Variants in ZNF536 observed in about 807,000 individuals in gnomAD.
ZNF536 encodes zinc finger protein 536.
Under a neutral mutation model 84.5 loss-of-function variants are expected in ZNF536, and 13 were observed. That is an observed-to-expected ratio of 0.15 (90% CI 0.10 to 0.24). ZNF536 has a LOEUF of 0.24. Ranked by LOEUF, ZNF536 falls within the 10% of genes least tolerant of loss-of-function variation. The probability of loss-of-function intolerance (pLI) is 1.00; values close to 1 mark genes in which losing one functional copy is unlikely to be tolerated. For synonymous variants in ZNF536, 811 were observed against 742.5 expected, an observed-to-expected ratio of 1.09 and a Z score of -1.50; for missense variants, 1,536 against 1,747.5, an observed-to-expected ratio of 0.88 and a Z score of 2.16.
intron 1 of ZNF536, among the ~76,000 whole-genome samples, chr19:30,404,691 T>C (rs1285792018): frequency 6.6e-6 from 1 of 151,988 alleles, no homozygotes; most frequent in Non-Finnish European, 1.5e-5. Flanking sequence ...ACAACCACAG[T>C]CATCAACACA....
chr19:30,631,620 T>C (rs1320311917), intron 1 of ZNF536, among the ~76,000 whole-genome samples: 1 of 152,140 alleles, frequency 6.6e-6, no homozygotes, highest in African/African-American at 2.4e-5. Flanking sequence ...TTACTCCCAG[T>C]GCTACTGCTG....
chr19:30,555,816 TGAA>T (rs1241789789), intron 4 of ZNF536: 2 of 152,192 alleles, frequency 1.3e-5, no homozygotes, highest in African/African-American at 4.8e-5. Flanking sequence ...CAGGTTCTAA[TGAA>T]GAAGGGAGGT....
chr19:30,558,396 G>A (rs2046042993), downstream of ZNF536, among the ~76,000 whole-genome samples: 1 of 152,204 alleles, frequency 6.6e-6, no homozygotes. Context: ...TGGCTGGGGT[G>A]GTGGGGGTGG....
At chr19:30,374,091 T>A (rs1234498280) in intron 1 of ZNF536, among the ~76,000 whole-genome samples, 2 of 152,338 alleles carry the variant, frequency 1.3e-5, no homozygotes, top group Admixed American at 1.3e-4. Flanking sequence ...ATGGGCATTA[T>A]TTCGCCTGAG....
At chr19:30,362,065 G>T (rs889185556) in intron 3 of ZNF536, among the ~76,000 whole-genome samples, 1 of 152,214 alleles carries the variant, frequency 6.6e-6, no homozygotes, top group African/African-American at 2.4e-5. Flanking sequence ...GTTTCGCACA[G>T]TGGGGCACGG....
intron 1 of ZNF536, among the ~76,000 whole-genome samples, chr19:30,590,496 A>G (rs998604460): frequency 1.3e-5 from 2 of 152,180 alleles, no homozygotes; most frequent in African/African-American, 4.8e-5. Context: ...TGTTTGGGGA[A>G]AGCAAGAGCT....
chr19:30,526,852 C>A (rs1161986928), intron 2 of ZNF536, among the ~76,000 whole-genome samples: 1 of 151,960 alleles, frequency 6.6e-6, no homozygotes, highest in African/African-American at 2.4e-5. Context: ...GTTTCTGATT[C>A]ATTTTCACTT....
intron 1 of ZNF536, among the ~76,000 whole-genome samples, chr19:30,374,019 A>C (rs2048712447): frequency 1.3e-5 from 2 of 152,188 alleles, no homozygotes; most frequent in South Asian, 2.1e-4. Flanking sequence ...GATAGAAACG[A>C]TAGAGCGTAT....
At chr19:30,284,977 T>C (rs1182314292) in intron 2 of ZNF536, among the ~76,000 whole-genome samples, 1 of 152,236 alleles carries the variant, frequency 6.6e-6, no homozygotes, top group East Asian at 1.9e-4. Flanking sequence ...ACAACAGTTA[T>C]ATTAGAAATT....
At chr19:30,345,402 G>A (rs2047709220) in intron 2 of ZNF536, among the ~76,000 whole-genome samples, 1 of 152,192 alleles carries the variant, frequency 6.6e-6, no homozygotes, top group African/African-American at 2.4e-5. Flanking sequence ...TTTATTTATG[G>A]CACTGGGATA....
intron 1 of ZNF536, among the ~76,000 whole-genome samples, chr19:30,237,481 G>A (rs927219459): frequency 1.3e-5 from 2 of 152,278 alleles, no homozygotes; most frequent in East Asian, 1.9e-4. Flanking sequence ...GAGCTTAAAC[G>A]TGAAGGTATT....
chr19:30,617,333 CT>C (rs556835599), intron 1 of ZNF536, among the ~76,000 whole-genome samples: 66 of 37,654 alleles, frequency 1.8e-3, no homozygotes, highest in South Asian at 2.2e-3. Context: ...GAATAGCTTA[CT>C]TTTTTTTTTT....
At position 30,574,905 on chromosome 19, in the gene ZNF536, G is replaced by A. The variant is rs562613596; in HGVS notation, c.169+25391G>A. Among the ~76,000 whole-genome samples, 8 of 152,190 alleles carry A rather than the reference G, an allele frequency of 5.3e-5. No homozygotes were observed. In the East Asian group the frequency reaches 1.2e-3, roughly 22 times the overall value. On this transcript the variant is annotated intron_variant, in intron 1 of 1. Coordinates refer to the ZNF536 transcript ENST00000592773. ...TAAAGGTGAGAGGCTAAGGTCTAGCGTGGCTTGAATTTAGTCTAGTGCAGC... is the reference window on the plus strand; with the variant it reads ...TAAAGGTGAGAGGCTAAGGTCTAGCATGGCTTGAATTTAGTCTAGTGCAGC...
intron 2 of ZNF536, among the ~76,000 whole-genome samples, chr19:30,470,003 C>T (rs1033139004): frequency 6.6e-6 from 1 of 152,148 alleles, no homozygotes; most frequent in African/African-American, 2.4e-5. Context: ...GAGATGTAAC[C>T]AAAAAACAAA....
chr19:30,489,307 G>A (rs1850772297), intron 2 of ZNF536, among the ~76,000 whole-genome samples: 1 of 152,200 alleles, frequency 6.6e-6, no homozygotes, highest in African/African-American at 2.4e-5. Context: ...AAGCTGAGGT[G>A]TGGTGCTCAG....
At chr19:30,259,471 C>T (rs2025083000) in intron 1 of ZNF536, among the ~76,000 whole-genome samples, 1 of 152,190 alleles carries the variant, frequency 6.6e-6, no homozygotes, top group African/African-American at 2.4e-5. Flanking sequence ...CACCCCAGAC[C>T]CATCTAATCG....
At chr19:30,237,237 A>G (rs1433682877) in intron 1 of ZNF536, among the ~76,000 whole-genome samples, 1 of 152,100 alleles carries the variant, frequency 6.6e-6, no homozygotes, top group African/African-American at 2.4e-5. Context: ...CACCTTCAAT[A>G]AAATAATTTG....
At chr19:30,628,334 A>G (rs927676880) in intron 1 of ZNF536, among the ~76,000 whole-genome samples, 3 of 151,234 alleles carry the variant, frequency 2.0e-5, no homozygotes, top group African/African-American at 7.3e-5. Context: ...TGCTCCTTCA[A>G]CTCCCTGTGC....
intron 1 of ZNF536, among the ~76,000 whole-genome samples, chr19:30,584,059 C>T (rs1027192620): frequency 1.3e-5 from 2 of 152,080 alleles, no homozygotes; most frequent in African/African-American, 4.8e-5. Context: ...AACCACAATC[C>T]CTGTGTGTTC....
Sources: gnomAD v4.1 joint callset for allele counts (sites outside exome capture counted in the v4.1 genomes callset) on GRCh38, gnomAD v4.1.1 for gene constraint, MANE v1.5 for transcripts, NCBI Gene and HGNC (gene_info 2026-07-23, HGNC 2026-07-21) for gene names.